Variants in FAM135B observed in about 807,000 individuals in gnomAD.
FAM135B encodes the protein protein FAM135B.
In FAM135B, 43 loss-of-function variants were observed where a neutral mutation model predicts 127.7. The observed-to-expected ratio is 0.34, with a 90% CI of 0.26 to 0.43. FAM135B has a LOEUF of 0.43. Among genes scored for constraint, FAM135B ranks in the 20% least tolerant of loss-of-function variants. The probability of loss-of-function intolerance (pLI) is 1.00; values close to 1 mark genes in which losing one functional copy is unlikely to be tolerated. For synonymous variants in FAM135B, 670 were observed against 665.1 expected, an observed-to-expected ratio of 1.01 and a Z score of -0.11; for missense variants, 1,558 against 1,725.6, an observed-to-expected ratio of 0.90 and a Z score of 1.72.
At chr8:138,371,677 C>A (rs368590073) in intron 1 of FAM135B, among the ~76,000 whole-genome samples, 1 of 152,140 alleles carries the variant, frequency 6.6e-6, no homozygotes, top group African/African-American at 2.4e-5. Context: ...GAACCTCCCA[C>A]GAAACATCAG....
intron 13 of FAM135B, among the ~76,000 whole-genome samples, chr8:138,149,932 A>G (rs1184568096): frequency 1.3e-5 from 2 of 152,180 alleles, no homozygotes; most frequent in African/African-American, 4.8e-5. Flanking sequence ...GACAGCATCT[A>G]CTATGTCTGC....
At chr8:138,296,070 T>G (rs935920296) in intron 3 of FAM135B, among the ~76,000 whole-genome samples, 2 of 152,230 alleles carry the variant, frequency 1.3e-5, no homozygotes, top group Non-Finnish European at 2.9e-5. Flanking sequence ...TGAATGCTTT[T>G]TAGTCTATAT....
At chr8:138,160,621 C>A (rs112872289) in intron 12 of FAM135B, among the ~76,000 whole-genome samples, 1 of 150,584 alleles carries the variant, frequency 6.6e-6, no homozygotes, top group Admixed American at 6.6e-5. Flanking sequence ...TGGTCTCGAA[C>A]TCCTGAGCTC....
At chr8:138,344,529 C>T (rs976305157) in intron 2 of FAM135B, among the ~76,000 whole-genome samples, 6 of 151,718 alleles carry the variant, frequency 4.0e-5, no homozygotes, top group East Asian at 1.9e-4. Context: ...GACGCTTTTC[C>T]GAACCCTCAG....
At chr8:138,249,949 T>C (rs1317803626) in intron 6 of FAM135B, among the ~76,000 whole-genome samples, 5 of 152,222 alleles carry the variant, frequency 3.3e-5, no homozygotes, top group Admixed American at 2.0e-4. Flanking sequence ...CATGGTACAA[T>C]ATGCTAGATG....
intron 7 of FAM135B, among the ~76,000 whole-genome samples, chr8:138,221,336 T>A (rs1357125760): frequency 6.6e-6 from 1 of 151,968 alleles, no homozygotes; most frequent in African/African-American, 2.4e-5. Context: ...AACAACCAGA[T>A]CTCCTGAGAA....
chr8:138,335,461 T>A (rs1399174867), intron 2 of FAM135B, among the ~76,000 whole-genome samples: 1 of 152,134 alleles, frequency 6.6e-6, no homozygotes, highest in Non-Finnish European at 1.5e-5. Context: ...GCAATCCTAG[T>A]CTCAGATAAA....
At chr8:138,206,179 G>C (rs992852341) in intron 7 of FAM135B, among the ~76,000 whole-genome samples, 21 of 139,380 alleles carry the variant, frequency 1.5e-4, no homozygotes, top group Non-Finnish European at 2.3e-4. Context: ...CCTCTGCAAG[G>C]CTCCAGCATC....
chr8:138,371,496 G>A (rs1831120844), intron 1 of FAM135B, among the ~76,000 whole-genome samples: 2 of 152,120 alleles, frequency 1.3e-5, no homozygotes, highest in Non-Finnish European at 2.9e-5. Context: ...CTCTGCCTCT[G>A]TAGGACTGAG....
chr8:138,155,084 A>C (rs11997255), intron 12 of FAM135B, among the ~76,000 whole-genome samples: 23,983 of 152,240 alleles, frequency 0.16, 2,299 homozygotes, highest in African/African-American at 0.26. Context: ...CCATCAGACT[A>C]ACAGTGGATC....
chr8:138,345,402 A>T (rs1427551248), intron 2 of FAM135B, among the ~76,000 whole-genome samples: 1 of 152,240 alleles, frequency 6.6e-6, no homozygotes, highest in Non-Finnish European at 1.5e-5. Context: ...CTGCAGATGG[A>T]AAGAGTGCTT....
chr8:138,377,346 A>T (rs1246592415), intron 1 of FAM135B, among the ~76,000 whole-genome samples: 1 of 152,182 alleles, frequency 6.6e-6, no homozygotes, highest in Admixed American at 6.5e-5. Flanking sequence ...TAGAGAAGGG[A>T]TCTACCTCAG....
upstream of FAM135B, among the ~76,000 whole-genome samples, chr8:138,497,584 A>G (rs1410593302): frequency 6.6e-6 from 1 of 152,152 alleles, no homozygotes; most frequent in African/African-American, 2.4e-5. Context: ...CCAGGCAACA[A>G]GTAGATGCCT....
intron 4 of FAM135B, among the ~76,000 whole-genome samples, chr8:138,265,218 C>A (rs1477255404): frequency 2.0e-5 from 3 of 152,168 alleles, no homozygotes; most frequent in Non-Finnish European, 4.4e-5. Flanking sequence ...GCTTTGTCAT[C>A]TCCACAGAGA....
intron 11 of FAM135B, among the ~76,000 whole-genome samples, chr8:138,170,076 C>A (rs955236989): frequency 6.6e-6 from 1 of 152,204 alleles, no homozygotes; most frequent in Non-Finnish European, 1.5e-5. Flanking sequence ...TAGGCAACTG[C>A]AAGGTTTTGC....
At chr8:138,256,882 C>T (rs1822139361) in intron 4 of FAM135B, 123 bp from the exon 5 acceptor site, 2 of 732,324 alleles carry the variant, frequency 2.7e-6, no homozygotes, top group African/African-American at 1.7e-5. Context: ...GTCATTTATG[C>T]TGAAAGCAGA....
At chr8:138,238,860 C>G (rs1820507555) in intron 7 of FAM135B, among the ~76,000 whole-genome samples, 1 of 152,160 alleles carries the variant, frequency 6.6e-6, no homozygotes, top group Non-Finnish European at 1.5e-5. Flanking sequence ...TTGGATGGGA[C>G]TCAAATGGAA....
chr8:138,186,982 G>C (rs1167738197), intron 9 of FAM135B, among the ~76,000 whole-genome samples: 1 of 152,138 alleles, frequency 6.6e-6, no homozygotes, highest in Non-Finnish European at 1.5e-5. Flanking sequence ...AAAATGACTG[G>C]GGATACTTGA....
intron 3 of FAM135B, among the ~76,000 whole-genome samples, chr8:138,294,004 C>T (rs1262544232): frequency 3.3e-5 from 5 of 152,124 alleles, no homozygotes; most frequent in Admixed American, 6.6e-5. Context: ...ACTAAGTGTC[C>T]ATCAACCAAT....
Sources: gnomAD v4.1 joint callset for allele counts (sites outside exome capture counted in the v4.1 genomes callset) on GRCh38, gnomAD v4.1.1 for gene constraint, MANE v1.5 for transcripts, NCBI Gene and HGNC (gene_info 2026-07-23, HGNC 2026-07-21) for gene names.